The following TBC1D31 variants were observed in gnomAD, a reference collection of about 807,000 sequenced individuals.
The protein encoded by TBC1D31 is WD repeat domain 67.
Under a neutral mutation model 132.9 loss-of-function variants are expected in TBC1D31, and 99 were observed. That is an observed-to-expected ratio of 0.74 (90% CI 0.63 to 0.88). TBC1D31 has a LOEUF of 0.88. Among genes scored for constraint, TBC1D31 ranks in the 40% least tolerant of loss-of-function variants. TBC1D31 has a pLI of 0.00. For missense variants in TBC1D31, 1,134 were observed against 1,256.6 expected, an observed-to-expected ratio of 0.90 and a Z score of 1.48; for synonymous variants, 385 against 419.4, an observed-to-expected ratio of 0.92 and a Z score of 1.00.
chr8:123,126,574 T>C lies in TBC1D31; in HGVS notation c.1771T>C (p.Leu591=). The C allele has an allele frequency of 6.2e-7, 1 of 1,614,080 alleles. No homozygotes were observed. Among genetic ancestry groups the C allele is most frequent in the South Asian group, 1.1e-5 (1 of 91,076 alleles). Residue 591 remains leucine, a synonymous_variant, in exon 13 of 22, where the codon TTG becomes CTG. Transcript: ENST00000287380. ...GCTGACAAGAGAGGAGTGGCTGAAA[T>C]TGTTCGATAATATCTTTTCCAACCA... is the stretch of plus-strand genomic sequence containing the variant. ...EVLTREEWLK[L]FDNIFSNHPS... is the part of the protein sequence containing the mutation.
At chr8:123,162,508 A>G in the TBC1D31 span, among the ~76,000 whole-genome samples, 5 of 152,104 alleles carry the variant, frequency 3.3e-5, no homozygotes, top group Non-Finnish European at 5.9e-5. Context: ...ACAGAGAGCT[A>G]AAGGAGGGAG....
intron 2 of TBC1D31, among the ~76,000 whole-genome samples, chr8:123,081,799 C>T (rs902476354): frequency 4.6e-5 from 7 of 152,160 alleles, no homozygotes; most frequent in African/African-American, 1.4e-4. Flanking sequence ...CATCAGATCT[C>T]ATGAGATTTA....
chr8:123,097,253 T>C, intron 5 of TBC1D31, 29 bp from the exon 6 acceptor site: 1 of 1,611,228 alleles, frequency 6.2e-7, no homozygotes, highest in Non-Finnish European at 8.5e-7. Context: ...TTGAACCCGT[T>C]TTTCTTTCTC....
At chr8:123,097,709 A>G (rs62521775) in intron 6 of TBC1D31, 27,997 of 253,496 alleles carry the variant, frequency 0.11, 1,794 homozygotes, top group Non-Finnish European at 0.12. Flanking sequence ...TTAGCATGCA[A>G]TTTTTCATTT....
At position 123,120,145 on chromosome 8, in the gene TBC1D31, G is replaced by C; in HGVS notation, c.1527G>C (p.Gln509His). Residue 509 changes from glutamine to histidine, a missense_variant, in exon 11 of 22, where the codon CAG becomes CAC. Physicochemically the swap from Gln to His is conservative, Grantham distance 24 (BLOSUM62 0). Transcript: ENST00000287380. ...CATTTCCATTTGTAAAATTATTCCAGAACAACCAACTCATCTGTTTTGAAG... is the reference window on the plus strand; with the variant it reads ...CATTTCCATTTGTAAAATTATTCCACAACAACCAACTCATCTGTTTTGAAG... ...LLAFPFVKLF[Q>H]NNQLICFEVI... 1 of 1,610,370 alleles carries C rather than the reference G, an allele frequency of 6.2e-7. No homozygotes were observed.
chr8:123,124,539 C>T (rs369805832), intron 11 of TBC1D31, among the ~76,000 whole-genome samples: 4 of 152,046 alleles, frequency 2.6e-5, no homozygotes, highest in Admixed American at 2.6e-4. Context: ...AAGGATCAGG[C>T]CTTTGGGTAT....
chr8:123,089,770 G>T (rs1356785528), intron 4 of TBC1D31, among the ~76,000 whole-genome samples: 2 of 152,190 alleles, frequency 1.3e-5, no homozygotes, highest in Non-Finnish European at 2.9e-5. Context: ...TAACAATTCA[G>T]AAACCCAAAA....
At chr8:123,104,541 A>G (rs1001865157) in intron 7 of TBC1D31, among the ~76,000 whole-genome samples, 1 of 152,234 alleles carries the variant, frequency 6.6e-6, no homozygotes, top group Non-Finnish European at 1.5e-5. Flanking sequence ...AATTGTATTT[A>G]GAACTTAGAA....
rs7827480 is a variant in TBC1D31 at position 123,108,927 on chromosome 8, A to T, written c.1210-390A>T. 3.8e-3 allele frequency among the ~76,000 whole-genome samples: 573 copies of T among 152,316 alleles called. 2 individuals carry two copies. Among genetic ancestry groups the T allele is most frequent in the African/African-American group, 0.013 (555 of 41,582 alleles). On this transcript the variant is annotated intron_variant, in intron 8 of 21. Transcript: ENST00000287380. The stretch of plus-strand genomic sequence containing the variant: ...CTTAACAAAACCATCAGATCTCGTG[A>T]GAACTATCATGAGAACAGCATGGGG...
At chr8:123,109,650 T>A in intron 10 of TBC1D31, 30 bp downstream of exon 10, 1 of 1,550,328 alleles carries the variant, frequency 6.5e-7, no homozygotes, top group Non-Finnish European at 8.7e-7. Flanking sequence ...GCAATGTGTA[T>A]GAGACCTGTA....
intron 20 of TBC1D31, among the ~76,000 whole-genome samples, chr8:123,149,026 T>C (rs905362316): frequency 2.0e-5 from 3 of 151,980 alleles, no homozygotes; most frequent in Admixed American, 2.0e-4. Context: ...CAGCCTGGGG[T>C]GACAGAGCAA....
chr8:123,075,950 T>C (rs1814465193), intron 1 of TBC1D31, among the ~76,000 whole-genome samples: 1 of 152,260 alleles, frequency 6.6e-6, no homozygotes, highest in African/African-American at 2.4e-5. Context: ...TGTATTCTTG[T>C]CTTTCCTGTT....
intron 7 of TBC1D31, chr8:123,103,894 A>G (rs954362278): frequency 1.3e-5 from 2 of 152,236 alleles, no homozygotes; most frequent in Non-Finnish European, 2.9e-5. Flanking sequence ...TCCCAGTACC[A>G]TCAGTGTCTT....
At chr8:123,156,036 G>A (rs1822978004), downstream of TBC1D31, among the ~76,000 whole-genome samples, 2 of 152,112 alleles carry the variant, frequency 1.3e-5, no homozygotes, top group South Asian at 4.1e-4. Context: ...TCTCCTCGTT[G>A]GCACTAAGAC....
At chr8:123,100,189 CT>C (rs987671751) in intron 6 of TBC1D31, among the ~76,000 whole-genome samples, 16 of 152,124 alleles carry the variant, frequency 1.1e-4, no homozygotes, top group Non-Finnish European at 2.1e-4. Context: ...CTTAGGGCAC[CT>C]TTCCATAGTC....
At chr8:123,144,644 T>C in intron 19 of TBC1D31, 73 bp from the exon 20 acceptor site, 1 of 1,367,570 alleles carries the variant, frequency 7.3e-7, no homozygotes, top group Non-Finnish European at 9.9e-7. Context: ...AAGACAGAAG[T>C]GGCTCATTCC....
At chr8:123,161,479 A>G in the TBC1D31 span, among the ~76,000 whole-genome samples, 1 of 152,112 alleles carries the variant, frequency 6.6e-6, no homozygotes, top group South Asian at 2.1e-4. Flanking sequence ...GCGAAACTCA[A>G]ACTCAAGGTC....
intron 11 of TBC1D31, among the ~76,000 whole-genome samples, chr8:123,120,960 CCT>C: frequency 6.8e-6 from 1 of 147,082 alleles, no homozygotes; most frequent in African/African-American, 2.5e-5. Flanking sequence ...CTAATTTTAA[CCT>C]CTTTTTTTTT....
chr8:123,084,089 T>C, intron 3 of TBC1D31, 73 bp from the exon 4 acceptor site: 1 of 1,279,038 alleles, frequency 7.8e-7, no homozygotes, highest in Non-Finnish European at 1.1e-6. Flanking sequence ...AGTTCATCTA[T>C]GGTGTTTATA....
Sources: allele counts gnomAD v4.1 joint callset (sites outside exome capture counted in the v4.1 genomes callset), GRCh38; gene constraint gnomAD v4.1.1; transcripts MANE v1.5; gene names NCBI Gene and HGNC (gene_info 2026-07-23, HGNC 2026-07-21).